The following NEDD4L variants were observed in gnomAD, a reference collection of about 807,000 sequenced individuals.
NEDD4L encodes E3 ubiquitin-protein ligase NEDD4-like.
Under a neutral mutation model 148.9 loss-of-function variants are expected in NEDD4L, and 54 were observed. The observed-to-expected ratio is 0.36, with a 90% confidence interval of 0.29 to 0.45. NEDD4L has a LOEUF of 0.45. Ranked by LOEUF, NEDD4L falls within the 20% of genes least tolerant of loss-of-function variation. The pLI, the probability that NEDD4L is intolerant of heterozygous loss-of-function variation, is 1.00. For missense variants in NEDD4L, 856 were observed against 1,233.8 expected (o/e 0.69, Z 4.59); for synonymous variants, 433 against 440.7 (o/e 0.98, Z 0.22).
intron 5 of NEDD4L, among the ~76,000 whole-genome samples, chr18:58,282,795 CA>C (rs2053345684): frequency 6.6e-6 from 1 of 152,172 alleles, no homozygotes; most frequent in Admixed American, 6.5e-5. Context: ...ATAGAGAACA[CA>C]TTCAATTTGG....
intron 5 of NEDD4L, among the ~76,000 whole-genome samples, chr18:58,261,724 A>G (rs1267404493): frequency 6.6e-6 from 1 of 152,230 alleles, no homozygotes; most frequent in African/African-American, 2.4e-5. Flanking sequence ...ATTTCTGTAT[A>G]GTTGAGGCGA....
intron 1 of NEDD4L, chr18:58,045,104 T>A (rs1327865298): frequency 5.0e-6 from 2 of 399,688 alleles, no homozygotes; most frequent in Non-Finnish European, 8.8e-6. Flanking sequence ...CACGTCTGGG[T>A]CGCGCGGCTG....
chr18:58,127,036 T>C (rs2031241621), intron 1 of NEDD4L, among the ~76,000 whole-genome samples: 1 of 152,224 alleles, frequency 6.6e-6, no homozygotes, highest in Admixed American at 6.5e-5. Context: ...GGGTGACGGC[T>C]GCTCGCGGCT....
intron 1 of NEDD4L, among the ~76,000 whole-genome samples, chr18:58,098,150 C>G (rs1268533940): frequency 1.3e-5 from 2 of 152,032 alleles, no homozygotes; most frequent in African/African-American, 4.8e-5. Context: ...GAATGCAGGG[C>G]CATGGGAAGG....
At chr18:58,310,323 C>T (rs1275103789) in intron 5 of NEDD4L, among the ~76,000 whole-genome samples, 1 of 152,180 alleles carries the variant, frequency 6.6e-6, no homozygotes, top group Non-Finnish European at 1.5e-5. Context: ...TTGTCCCTTA[C>T]TTCTTAAAAA....
At chr18:58,048,673 G>A (rs531430099) in intron 1 of NEDD4L, among the ~76,000 whole-genome samples, 81 of 152,300 alleles carry the variant, frequency 5.3e-4, no homozygotes, top group Admixed American at 9.8e-4. Context: ...TGCTGGGCCC[G>A]ATTTGACCAG....
chr18:58,370,489 A>C, intron 23 of NEDD4L, 22 bp downstream of exon 23: 1 of 1,502,832 alleles, frequency 6.7e-7, no homozygotes, highest in Non-Finnish European at 9.3e-7. Context: ...CACGTCACAC[A>C]CTGGCCATCA....
At chr18:58,054,256 A>G (rs551047812) in intron 1 of NEDD4L, among the ~76,000 whole-genome samples, 1 of 152,324 alleles carries the variant, frequency 6.6e-6, no homozygotes, top group East Asian at 1.9e-4. Context: ...TTACTTACGA[A>G]TCTCCTAACT....
At chr18:58,052,950 A>G (rs2081942644) in intron 1 of NEDD4L, among the ~76,000 whole-genome samples, 2 of 152,154 alleles carry the variant, frequency 1.3e-5, no homozygotes, top group Admixed American at 1.3e-4. Flanking sequence ...TGGGTGACAG[A>G]GTGAGACTTT....
chr18:58,155,315 A>AG (rs2035342094), intron 1 of NEDD4L, among the ~76,000 whole-genome samples: 6 of 97,894 alleles, frequency 6.1e-5, no homozygotes, highest in African/African-American at 1.1e-4. Context: ...TTTTAAGTTT[A>AG]AAAAAAAAAA....
chr18:58,358,408 G>A (rs1306585274), intron 19 of NEDD4L, among the ~76,000 whole-genome samples: 1 of 152,038 alleles, frequency 6.6e-6, no homozygotes, highest in Non-Finnish European at 1.5e-5. Flanking sequence ...TTGTTTATTG[G>A]AATATTATTT....
Position 58,198,397 on chromosome 18 carries a change from GT to G in NEDD4L, c.122+32539del, listed in dbSNP as rs368604491. The stretch of plus-strand genomic sequence containing the variant: ...GAAGCTGGGGACATCAGCCTAAAGC[GT>G]TTATCAGGTATGTCCTTCCCAACTG... On this transcript the variant is annotated intron_variant, in intron 2 of 30. Transcript: ENST00000400345. Among the ~76,000 whole-genome samples, 300 of 152,258 alleles carry G rather than the reference GT, an allele frequency of 2.0e-3. 2 individuals carry two copies. The highest frequency in any genetic ancestry group is 6.8e-3 in the African/African-American group (283 of 41,556).
chr18:58,299,762 G>A (rs745980692), intron 5 of NEDD4L, among the ~76,000 whole-genome samples: 1 of 152,064 alleles, frequency 6.6e-6, no homozygotes, highest in Non-Finnish European at 1.5e-5. Context: ...AAGGCTTTCC[G>A]GTGTCTTTTT....
intron 1 of NEDD4L, among the ~76,000 whole-genome samples, chr18:58,113,719 T>A (rs911590502): frequency 1.3e-5 from 2 of 152,006 alleles, no homozygotes; most frequent in East Asian, 3.9e-4. Context: ...TGCTATGTCA[T>A]TGAAGGGTTT....
At chr18:58,277,264 CT>C (rs1163667502) in intron 5 of NEDD4L, among the ~76,000 whole-genome samples, 2 of 151,644 alleles carry the variant, frequency 1.3e-5, no homozygotes, top group Admixed American at 6.6e-5. Flanking sequence ...AAAAAATGCT[CT>C]GCTGAAAACA....
Position 58,165,815 on chromosome 18 carries a change from G to C in NEDD4L, c.76G>C (p.Val26Leu). Residue 26 changes from valine to leucine, a missense_variant, in exon 2 of 31, where the codon GTT becomes CTT. Around this residue, in one of 4 missense-constraint regions of NEDD4L, gnomAD observed 193 missense variants for 244.2 expected, o/e 0.79. Coordinates refer to ENST00000400345, the MANE Select transcript of NEDD4L (RefSeq NM_001144967.3). ...AGAGTCCCGTATTCTCAGAGTAAAAGTTGTTTCTGGAATTGATCTCGCCAA... is the reference window on the plus strand; with the variant it reads ...AGAGTCCCGTATTCTCAGAGTAAAACTTGTTTCTGGAATTGATCTCGCCAA... ...EGESRILRVKVVSGIDLAKKD... is the reference protein window; with the variant it reads ...EGESRILRVKLVSGIDLAKKD... 2.5e-6 allele frequency: 4 copies of C among 1,611,444 alleles called. No individual in the cohort carries two copies. Among genetic ancestry groups the C allele is most frequent in the Non-Finnish European group, 3.4e-6 (4 of 1,178,696 alleles).
At chr18:58,309,841 A>G (rs1421721807) in intron 5 of NEDD4L, among the ~76,000 whole-genome samples, 7 of 151,980 alleles carry the variant, frequency 4.6e-5, no homozygotes, top group African/African-American at 1.5e-4. Flanking sequence ...GGTACACCTC[A>G]TCCCCTGATG....
rs1568862190 is a variant in NEDD4L at position 58,366,058 on chromosome 18, C to A, written c.1893C>A (p.Ser631=). Residue 631 remains serine (S), a synonymous_variant, in exon 21 of 31, where the codon TCC becomes TCA. Transcript: ENST00000400345. The surrounding 1 kb of genome is among the most constrained non-coding windows in gnomAD (Gnocchi z 4.2). ...ACAGAAATAACATATTTGAAGAGTCCTATCGGAGAATTATGTCCGTGAAAA... is the reference window on the plus strand; with the variant it reads ...ACAGAAATAACATATTTGAAGAGTCATATCGGAGAATTATGTCCGTGAAAA... The part of the protein sequence containing the change: ...KLHRNNIFEE[S]YRRIMSVKRP... The A allele has an allele frequency of 6.2e-7, 1 of 1,613,308 alleles. No homozygotes were observed. Among genetic ancestry groups the A allele is most frequent in the Non-Finnish European group, 8.5e-7 (1 of 1,179,590 alleles).
intron 1 of NEDD4L, among the ~76,000 whole-genome samples, chr18:58,146,492 C>T (rs2034111572): frequency 6.6e-6 from 1 of 152,090 alleles, no homozygotes; most frequent in Non-Finnish European, 1.5e-5. Context: ...GTCCAGCGAC[C>T]AGCCAAGTGG....
Sources: gnomAD v4.1 joint callset for allele counts (sites outside exome capture counted in the v4.1 genomes callset) on GRCh38, gnomAD v4.1.1 for gene constraint, gnomAD v4.1.1 regional missense constraint, Gnocchi (gnomAD v3.1) non-coding constraint, MANE v1.5 for transcripts, NCBI Gene and HGNC (gene_info 2026-07-23, HGNC 2026-07-21) for gene names.